Variants in CUX1 observed in about 807,000 individuals in gnomAD.
CUX1 encodes cut like homeobox 1.
A neutral mutation model predicts 158.8 loss-of-function variants in CUX1; 31 were observed. That is an observed-to-expected ratio of 0.20 (90% CI 0.15 to 0.26). The LOEUF is 0.26. Ranked by LOEUF, CUX1 falls within the 10% of genes least tolerant of loss-of-function variation. The probability of loss-of-function intolerance (pLI) is 1.00; values close to 1 mark genes in which losing one functional copy is unlikely to be tolerated. For synonymous variants in CUX1, 879 were observed against 862.1 expected, an observed-to-expected ratio of 1.02 and a Z score of -0.34; for missense variants, 1,589 against 2,014.6, an observed-to-expected ratio of 0.79 and a Z score of 4.04.
chr7:102,048,732 G>A (rs979580917), intron 3 of CUX1, among the ~76,000 whole-genome samples: 8 of 152,162 alleles, frequency 5.3e-5, no homozygotes, highest in African/African-American at 1.9e-4. Flanking sequence ...GAGAGGCTGA[G>A]GCAGGGGAAT....
intron 1 of CUX1, among the ~76,000 whole-genome samples, chr7:101,866,310 A>C (rs1157076893): frequency 6.6e-6 from 1 of 151,360 alleles, no homozygotes; most frequent in Non-Finnish European, 1.5e-5. Context: ...TAAAAAAAAA[A>C]CAAAACAAAA....
At position 102,249,542 on chromosome 7, in the gene CUX1, C is replaced by CT. The variant is rs1408098858; in HGVS notation, c.*502dup. On this transcript the variant is annotated 3_prime_UTR_variant, in exon 24 of 24. Coordinates refer to ENST00000292535, the MANE Select transcript of CUX1 (RefSeq NM_181552.4). ...TCTGGAATAACTCTTACAGCTTTGC[C>CT]TTGTGTCCTCCTGTTCCGTGTGGGC... 7 of 985,770 alleles carry CT rather than the reference C, an allele frequency of 7.1e-6. No homozygotes were observed. The highest frequency in any genetic ancestry group is 8.4e-6 in the Non-Finnish European group (7 of 829,922). The allele number at this position is 985,770 out of a possible 1,614,324, so 61.1% of individuals were successfully genotyped here. A position where few individuals can be genotyped will look rare whatever the true frequency, so the allele number is the denominator to read the frequency against.
intron 1 of CUX1, among the ~76,000 whole-genome samples, chr7:101,825,401 T>A (rs1793141209): frequency 6.6e-6 from 1 of 152,142 alleles, no homozygotes; most frequent in Non-Finnish European, 1.5e-5. Context: ...AGGTTTCTGC[T>A]CCATGGGATC....
At chr7:101,982,340 T>A (rs538269762) in intron 2 of CUX1, among the ~76,000 whole-genome samples, 61 of 152,328 alleles carry the variant, frequency 4.0e-4, no homozygotes, top group African/African-American at 1.4e-3. Context: ...TTAGAATTAG[T>A]GCAAGAGACA....
chr7:102,071,267 C>T (rs765122291), intron 4 of CUX1, among the ~76,000 whole-genome samples: 2 of 152,142 alleles, frequency 1.3e-5, no homozygotes, highest in African/African-American at 2.4e-5. Flanking sequence ...GGCCCTGTTT[C>T]TTCTTTTAGA....
At chr7:101,992,710 A>G (rs1815300033) in intron 2 of CUX1, among the ~76,000 whole-genome samples, 1 of 152,200 alleles carries the variant, frequency 6.6e-6, no homozygotes, top group Admixed American at 6.5e-5. Context: ...CTTCTGGAAG[A>G]TGATGTGCCA....
upstream of CUX1, chr7:101,817,261 G>T (rs1711958479): frequency 2.0e-6 from 2 of 984,658 alleles, no homozygotes; most frequent in South Asian, 9.4e-5. This position sits in a 1 kb window ranked among gnomAD's most constrained non-coding sequence, Gnocchi z 4.1. Context: ...TGGGGGCTCC[G>T]GCGGCCCCCG....
At chr7:102,126,406 AT>A (rs530672754) in intron 8 of CUX1, among the ~76,000 whole-genome samples, 3 of 151,934 alleles carry the variant, frequency 2.0e-5, no homozygotes, top group Non-Finnish European at 2.9e-5. Flanking sequence ...ATTCTCAAAG[AT>A]TTTTTTTAAA....
intron 8 of CUX1, among the ~76,000 whole-genome samples, chr7:102,149,188 G>A (rs900494864): frequency 1.1e-4 from 17 of 151,960 alleles, no homozygotes; most frequent in African/African-American, 4.1e-4. Flanking sequence ...TCTCTCTCTA[G>A]ACAGCCGTAC....
At chr7:102,030,689 G>GTGGTTTTTTT (rs1820645931) in intron 3 of CUX1, among the ~76,000 whole-genome samples, 1 of 82,540 alleles carries the variant, frequency 1.2e-5, no homozygotes, top group African/African-American at 5.3e-5. Flanking sequence ...ATTTTAAAAA[G>GTGGTTTTTTT]TGTTTTTTTT....
intron 11 of CUX1, chr7:102,186,869 C>T (rs1435530456): frequency 6.6e-6 from 1 of 152,068 alleles, no homozygotes; most frequent in African/African-American, 2.4e-5. Flanking sequence ...TTCATCTCTA[C>T]TAAAAATAGA....
chr7:101,842,979 CCTCAGCCTCCTGA>C (rs1795328215), intron 1 of CUX1, among the ~76,000 whole-genome samples: 1 of 150,514 alleles, frequency 6.6e-6, no homozygotes, highest in Non-Finnish European at 1.5e-5. Flanking sequence ...CATTCTCCTG[CCTCAGCCTCCTGA>C]GTAGCTGGGA....
Position 102,254,737 on chromosome 7 carries a change from G to A in CUX1, c.*5695G>A. The A allele has an allele frequency of 1.0e-6, 1 of 985,514 alleles. No homozygotes were observed. The highest frequency in any genetic ancestry group is 4.7e-5 in the South Asian group (1 of 21,288). 61.0% of individuals were successfully genotyped at this position (985,514 alleles called of 1,614,324 possible). A position where few individuals can be genotyped will look rare whatever the true frequency, so the allele number is the denominator to read the frequency against. ...AAGCCTTTGTGACCACAAGGGCAGG[G>A]CTTGTGCCCTGAGTGGCGAGGTGGT... On this transcript the variant is annotated 3_prime_UTR_variant, in exon 24 of 24. Transcript: ENST00000292535.
chr7:102,052,004 G>A (rs1304129340), intron 3 of CUX1, among the ~76,000 whole-genome samples: 2 of 151,960 alleles, frequency 1.3e-5, no homozygotes, highest in Non-Finnish European at 2.9e-5. Context: ...TTGAGGTCAG[G>A]AGTTTGAGAA....
chr7:101,817,582 C>G (rs1019414822), upstream of CUX1: 1 of 1,519,956 alleles, frequency 6.6e-7, no homozygotes. The surrounding 1 kb of genome is among the most constrained non-coding windows in gnomAD (Gnocchi z 4.1). Flanking sequence ...GGGTCCGCCC[C>G]GCACGTGCCA....
intron 20 of CUX1, among the ~76,000 whole-genome samples, chr7:102,208,764 GCC>G (rs1437486115): frequency 6.6e-6 from 1 of 152,078 alleles, no homozygotes; most frequent in African/African-American, 2.4e-5. Flanking sequence ...CTTTCAAGAG[GCC>G]CCCAGACCCA....
intron 15 of CUX1, among the ~76,000 whole-genome samples, chr7:102,198,458 C>G (rs1293484992): frequency 6.6e-6 from 1 of 152,194 alleles, no homozygotes; most frequent in Admixed American, 6.5e-5. Context: ...AGGATGTTAA[C>G]CGAAATTGAA....
chr7:101,882,964 C>T (rs972138715), intron 1 of CUX1, among the ~76,000 whole-genome samples: 4 of 152,126 alleles, frequency 2.6e-5, no homozygotes, highest in Admixed American at 2.0e-4. Flanking sequence ...TCTGCGTGTT[C>T]CAGAGAGCTG....
chr7:101,928,860 C>T (rs1215605647), intron 2 of CUX1, among the ~76,000 whole-genome samples: 1 of 147,432 alleles, frequency 6.8e-6, no homozygotes, highest in Non-Finnish European at 1.5e-5. Flanking sequence ...TTAGTAGAGA[C>T]GGGGTTTCAC....
Sources: gnomAD v4.1 joint callset for allele counts (sites outside exome capture counted in the v4.1 genomes callset) on GRCh38, gnomAD v4.1.1 for gene constraint, Gnocchi (gnomAD v3.1) non-coding constraint, MANE v1.5 for transcripts, NCBI Gene and HGNC (gene_info 2026-07-23, HGNC 2026-07-21) for gene names.